The following ATRNL1 variants were observed in gnomAD, a reference collection of about 807,000 sequenced individuals.
ATRNL1 encodes attractin-like protein 1.
Under a neutral mutation model 182.7 loss-of-function variants are expected in ATRNL1, and 95 were observed. The ratio of observed to expected loss-of-function variants is 0.52; its 90% CI spans 0.44 to 0.62. The LOEUF is 0.62. ATRNL1 is among the 20% of genes least tolerant of loss of function. The pLI, the probability that ATRNL1 is intolerant of heterozygous loss-of-function variation, is 0.00. For synonymous variants in ATRNL1, 576 were observed against 568.3 expected (o/e 1.01, Z -0.19); for missense variants, 1,471 against 1,679.5 (o/e 0.88, Z 2.17).
rs550000610 is a variant in ATRNL1 at position 115,587,470 on chromosome 10, T to G, written c.3795+37934T>G. 5.4e-4 allele frequency among the ~76,000 whole-genome samples: 82 copies of G among 151,928 alleles called. 1 individual carries two copies. The highest frequency in any genetic ancestry group is 2.6e-3 in the Admixed American group (40 of 15,252). Reference sequence around the variant, plus strand: ...GGAATATAATCTCGTGGTGTGCCGTTGTTTTAGCCCGTCGGAAAAGCGCAG... The same window carrying G: ...GGAATATAATCTCGTGGTGTGCCGTGGTTTTAGCCCGTCGGAAAAGCGCAG... On this transcript the variant is annotated intron_variant, in intron 26 of 28. Coordinates refer to ENST00000355044, the MANE Select transcript of ATRNL1 (RefSeq NM_207303.4).
chr10:115,540,413 A>T, intron 25 of ATRNL1, among the ~76,000 whole-genome samples: 1 of 152,070 alleles, frequency 6.6e-6, no homozygotes, highest in Non-Finnish European at 1.5e-5. Flanking sequence ...ATTATTTATA[A>T]ATAATACCTC....
chr10:115,908,954 T>C (rs782188319), intron 28 of ATRNL1, among the ~76,000 whole-genome samples: 1 of 152,216 alleles, frequency 6.6e-6, no homozygotes, highest in Non-Finnish European at 1.5e-5. Flanking sequence ...GCAGTGTATG[T>C]AGGCACATGT....
chr10:115,330,707 G>T, intron 18 of ATRNL1, among the ~76,000 whole-genome samples: 1 of 127,474 alleles, frequency 7.8e-6, no homozygotes, highest in Non-Finnish European at 1.6e-5. Context: ...GCTGCTTTCA[G>T]TGTTCTCTGT....
intron 9 of ATRNL1, among the ~76,000 whole-genome samples, chr10:115,229,337 G>A (rs1849830872): frequency 6.6e-6 from 1 of 151,828 alleles, no homozygotes; most frequent in African/African-American, 2.4e-5. Context: ...CCTGTCCGAG[G>A]TTTTGGAAAG....
In ATRNL1 at chr10:115,093,450, A is replaced by G; in HGVS notation, c.-301A>G. 2.0e-6 allele frequency: 1 copy of G among 510,158 alleles called. No homozygotes were observed. 31.6% of individuals were successfully genotyped at this position (510,158 alleles called of 1,614,324 possible). ...AGGTCCCCTCAGGAGCGCCGGGCGC[A>G]GTCTGCGCCTCCCGCTCCCCGCCTC... On this transcript the variant is annotated 5_prime_UTR_variant, in exon 1 of 29. Transcript: ENST00000355044. The surrounding 1 kb of genome is among the most constrained non-coding windows in gnomAD (Gnocchi z 6.1).
chr10:115,483,236 A>G (rs1848853677), intron 24 of ATRNL1, among the ~76,000 whole-genome samples: 1 of 151,412 alleles, frequency 6.6e-6, no homozygotes, highest in South Asian at 2.1e-4. Flanking sequence ...TCATAAATCA[A>G]CAATAGTTTA....
At chr10:115,227,986 T>C (rs2144499802) in intron 9 of ATRNL1, among the ~76,000 whole-genome samples, 1 of 152,262 alleles carries the variant, frequency 6.6e-6, no homozygotes, top group South Asian at 2.1e-4. Context: ...TGGTTATGTG[T>C]TCACTTTGTG....
At chr10:115,494,638 A>G (rs1592737579) in intron 24 of ATRNL1, among the ~76,000 whole-genome samples, 2 of 152,338 alleles carry the variant, frequency 1.3e-5, no homozygotes, top group East Asian at 3.9e-4. Flanking sequence ...GTGATAAATC[A>G]CATTTATTGA....
intron 27 of ATRNL1, among the ~76,000 whole-genome samples, chr10:115,814,055 G>A (rs1261008753): frequency 6.6e-6 from 1 of 152,030 alleles, no homozygotes; most frequent in Non-Finnish European, 1.5e-5. Context: ...TTTATGGAAA[G>A]AAAATTTAAA....
At chr10:115,223,929 A>ATATATTTTTTTTTTTTTTTTT (rs1420143943) in intron 9 of ATRNL1, among the ~76,000 whole-genome samples, 2 of 44,714 alleles carry the variant, frequency 4.5e-5, no homozygotes, top group African/African-American at 9.2e-5. Flanking sequence ...ATATATATAT[A>ATATATTTTTTTTTTTTTTTTT]TTTTTTTTTT....
intron 27 of ATRNL1, among the ~76,000 whole-genome samples, chr10:115,794,137 C>T (rs1696389445): frequency 1.3e-5 from 2 of 152,154 alleles, no homozygotes. Flanking sequence ...AACATTTGCT[C>T]TACTTTGCAT....
intron 19 of ATRNL1, among the ~76,000 whole-genome samples, chr10:115,389,544 A>ATATATATATATATG (rs1352132544): frequency 0.036 from 372 of 10,420 alleles, 49 homozygotes; most frequent in South Asian, 0.047. Flanking sequence ...GTATGTGTAT[A>ATATATATATATATG]TATATATATA....
rs535128595 is a variant in ATRNL1, at chr10:115,482,285, G to A, written c.3654+12956G>A. On this transcript the variant is annotated intron_variant, in intron 24 of 28. Coordinates refer to ENST00000355044, the MANE Select transcript of ATRNL1 (RefSeq NM_207303.4). ...CAAATGAATATTCAGCACGCAGTGG[G>A]TTCTATGTGTAAATCTGTAGGTTGA... Among the ~76,000 whole-genome samples the A allele has an allele frequency of 2.3e-3, 346 of 151,090 alleles. 6 individuals carry two copies. Among genetic ancestry groups the A allele is most frequent in the African/African-American group, 8.0e-3 (331 of 41,460 alleles).
At chr10:115,513,821 T>C (rs1272980823) in intron 24 of ATRNL1, among the ~76,000 whole-genome samples, 1 of 151,992 alleles carries the variant, frequency 6.6e-6, no homozygotes, top group Non-Finnish European at 1.5e-5. Flanking sequence ...GTACAACAAA[T>C]TGTAGTGCTG....
chr10:115,840,844 G>T (rs551869350), intron 27 of ATRNL1, among the ~76,000 whole-genome samples: 31 of 149,960 alleles, frequency 2.1e-4, no homozygotes, highest in Non-Finnish European at 3.3e-4. Context: ...GGAGGGGCCT[G>T]AAAAAAAAAG....
chr10:115,670,361 A>G (rs1306186344), intron 26 of ATRNL1, among the ~76,000 whole-genome samples: 3 of 152,122 alleles, frequency 2.0e-5, no homozygotes, highest in Admixed American at 2.0e-4. Context: ...CATTGTTATT[A>G]ATGTATTTCA....
intron 10 of ATRNL1, among the ~76,000 whole-genome samples, chr10:115,262,255 A>G (rs1554909025): frequency 1.3e-5 from 2 of 151,934 alleles, no homozygotes; most frequent in African/African-American, 4.8e-5. Context: ...ATGATAAAAT[A>G]AAAGCAAAGT....
intron 26 of ATRNL1, among the ~76,000 whole-genome samples, chr10:115,660,196 A>G (rs1236908216): frequency 1.3e-5 from 2 of 152,150 alleles, no homozygotes; most frequent in South Asian, 2.1e-4. Flanking sequence ...GATTTTACAG[A>G]TAGCACCTAC....
chr10:115,301,576 A>G (rs532755673), intron 16 of ATRNL1, among the ~76,000 whole-genome samples: 55 of 152,346 alleles, frequency 3.6e-4, no homozygotes, highest in African/African-American at 1.3e-3. Context: ...TATACAAACT[A>G]GGTCATAGAT....
Sources: gnomAD v4.1 joint callset for allele counts (sites outside exome capture counted in the v4.1 genomes callset) on GRCh38, gnomAD v4.1.1 for gene constraint, Gnocchi (gnomAD v3.1) non-coding constraint, MANE v1.5 for transcripts, NCBI Gene and HGNC (gene_info 2026-07-23, HGNC 2026-07-21) for gene names.